YTHDC2: variants seen among roughly 807,000 people sequenced by gnomAD.
The protein encoded by YTHDC2 is 3'-5' RNA helicase YTHDC2.
A neutral mutation model predicts 174.9 loss-of-function variants in YTHDC2; 45 were observed. That is an observed-to-expected ratio of 0.26 (90% CI 0.20 to 0.33). YTHDC2 has a LOEUF of 0.33. Ranked by LOEUF, YTHDC2 falls within the 10% of genes least tolerant of loss-of-function variation. The pLI, the probability that YTHDC2 is intolerant of heterozygous loss-of-function variation, is 1.00. For synonymous variants in YTHDC2, 657 were observed against 574.5 expected (o/e 1.14, Z -2.05); for missense variants, 1,650 against 1,723.7 (o/e 0.96, Z 0.76).
Position 113,567,841 on chromosome 5 carries a change from C to G in YTHDC2, c.3236C>G (p.Ser1079Cys). Reference sequence around the variant, plus strand: ...AGTAATGCTCTTCAGGAACCTTCATCCTTTAGAGGTAAATGTATTAAGGAA... The same window carrying G: ...AGTAATGCTCTTCAGGAACCTTCATGCTTTAGAGGTAAATGTATTAAGGAA... ...LASNALQEPS[S>C]FRVDGIPNDS... The change falls in exon 23 of 30, where the codon TCC becomes TGC. Residue 1079 changes from serine (S) to cysteine (C), a missense_variant. Physicochemically the swap from Ser to Cys is moderately radical, Grantham distance 112. This residue lies in a region of YTHDC2 where 913 missense variants were observed against 940.4 expected (regional missense o/e 0.97). Coordinates refer to ENST00000161863, the MANE Select transcript of YTHDC2 (RefSeq NM_022828.5). The G allele has an allele frequency of 6.6e-7, 1 of 1,526,138 alleles. No individual in the cohort carries two copies. The highest frequency in any genetic ancestry group is 8.8e-7 in the Non-Finnish European group (1 of 1,137,074). 94.5% of individuals were successfully genotyped at this position (1,526,138 alleles called of 1,614,324 possible). A position where few individuals can be genotyped will look rare whatever the true frequency, so the allele number is the denominator to read the frequency against.
rs763334892 is a variant in YTHDC2, at chr5:113,542,510, T to G, written c.1495+7T>G. ...TTAACTGAAAATGTTAGTGGTAAGTTTATTTTAATTTTAAAAAATTACCCT... is the reference window on the plus strand; with the variant it reads ...TTAACTGAAAATGTTAGTGGTAAGTGTATTTTAATTTTAAAAAATTACCCT... On this transcript the variant is annotated splice_region_variant and intron_variant, in intron 10 of 29. Transcript: ENST00000161863. The G allele has an allele frequency of 6.3e-7, 1 of 1,587,938 alleles. No homozygotes were observed. The highest frequency in any genetic ancestry group is 1.2e-5 in the South Asian group (1 of 84,822).
At chr5:113,549,235 G>A (rs1776089642) in intron 12 of YTHDC2, among the ~76,000 whole-genome samples, 1 of 152,062 alleles carries the variant, frequency 6.6e-6, no homozygotes, top group African/African-American at 2.4e-5. Flanking sequence ...AAACATGGTA[G>A]GTACAACATA....
At position 113,563,449 on chromosome 5, in the gene YTHDC2, C is replaced by T; in HGVS notation, c.2399C>T (p.Pro800Leu). The change falls in exon 19 of 30, where the codon CCT becomes CTT. Residue 800 changes from proline (P) to leucine (L), a missense_variant. This residue lies in a region of YTHDC2 where 913 missense variants were observed against 940.4 expected (regional missense o/e 0.97). Coordinates refer to ENST00000161863, the MANE Select transcript of YTHDC2 (RefSeq NM_022828.5). ...IADFLMKAPE[P>L]PPALIVRNAV... ...GATTTTCTTATGAAAGCTCCTGAAC[C>T]TCCACCAGCTTTAATTGTAAGAAAT... 1 of 1,610,738 alleles carries T rather than the reference C, an allele frequency of 6.2e-7. No homozygotes were observed. The highest frequency in any genetic ancestry group is 8.5e-7 in the Non-Finnish European group (1 of 1,178,028).
intron 6 of YTHDC2, among the ~76,000 whole-genome samples, chr5:113,535,262 C>T (rs1039929234): frequency 1.3e-5 from 2 of 152,044 alleles, no homozygotes; most frequent in African/African-American, 4.8e-5. Context: ...ATTTACCTAG[C>T]ATTACACTGT....
intron 2 of YTHDC2, among the ~76,000 whole-genome samples, chr5:113,521,685 C>T (rs1449168253): frequency 6.7e-6 from 1 of 150,010 alleles, no homozygotes; most frequent in African/African-American, 2.5e-5. Flanking sequence ...GAGCCGAGAT[C>T]GTGCCACTGC....
At chr5:113,516,560 C>G (rs1773439766) in intron 2 of YTHDC2, among the ~76,000 whole-genome samples, 1 of 152,150 alleles carries the variant, frequency 6.6e-6, no homozygotes, top group African/African-American at 2.4e-5. Flanking sequence ...GGGTGTTTAA[C>G]AGCATCCATA....
intron 22 of YTHDC2, 130 bp downstream of exon 22, chr5:113,567,427 T>TATGA (rs138503872): frequency 8.0e-6 from 3 of 375,114 alleles, no homozygotes; most frequent in Non-Finnish European, 1.2e-5. Context: ...TATATATATA[T>TATGA]CATTAAATAT....
chr5:113,573,489 G>A (rs561015882), intron 23 of YTHDC2, among the ~76,000 whole-genome samples: 192 of 152,148 alleles, frequency 1.3e-3, no homozygotes, highest in African/African-American at 4.2e-3. Context: ...AGGGTTCTCT[G>A]GATTTCCTGA....
chr5:113,523,773 A>G (rs948063673), intron 2 of YTHDC2, among the ~76,000 whole-genome samples: 11 of 152,106 alleles, frequency 7.2e-5, no homozygotes, highest in Non-Finnish European at 1.5e-4. Context: ...CCAGTTTGAT[A>G]TCACTCTTAT....
intron 6 of YTHDC2, 63 bp downstream of exon 6, chr5:113,534,470 C>A: frequency 2.1e-6 from 3 of 1,429,206 alleles, no homozygotes; most frequent in South Asian, 1.2e-5. Context: ...ATACATATGC[C>A]GTTTCAGGAT....
At chr5:113,515,510 A>T in intron 2 of YTHDC2, 148 bp downstream of exon 2, 5 of 663,778 alleles carry the variant, frequency 7.5e-6, no homozygotes, top group Non-Finnish European at 1.2e-5. Flanking sequence ...TCAGGTCTGT[A>T]CCAAATTCAA....
intron 21 of YTHDC2, among the ~76,000 whole-genome samples, chr5:113,566,558 G>A (rs2112730499): frequency 6.6e-6 from 1 of 150,608 alleles, no homozygotes; most frequent in Admixed American, 6.7e-5. Context: ...TAGTACCAGA[G>A]CCTGGATTCA....
chr5:113,581,962 GTCAAAATA>G (rs1778431058), intron 25 of YTHDC2: 1 of 267,246 alleles, frequency 3.7e-6, no homozygotes, highest in Non-Finnish European at 6.8e-6. Flanking sequence ...TCAGGAAAAG[GTCAAAATA>G]TCTAATTTCT....
At chr5:113,567,010 G>A in intron 21 of YTHDC2, 82 bp from the exon 22 acceptor site, 1 of 1,405,200 alleles carries the variant, frequency 7.1e-7, no homozygotes, top group Non-Finnish European at 9.6e-7. Flanking sequence ...AAATTTACAT[G>A]AGTTGTACAA....
chr5:113,537,593 C>G (rs1190516954), intron 7 of YTHDC2, among the ~76,000 whole-genome samples: 4 of 150,254 alleles, frequency 2.7e-5, no homozygotes, highest in Non-Finnish European at 5.9e-5. Flanking sequence ...TCCCACTATT[C>G]CCATCCTCTT....
chr5:113,549,382 T>C (rs1388903441), intron 12 of YTHDC2, among the ~76,000 whole-genome samples: 1 of 152,110 alleles, frequency 6.6e-6, no homozygotes, highest in Non-Finnish European at 1.5e-5. Flanking sequence ...TGATAGAAGA[T>C]GTTAATTTTG....
chr5:113,544,814 A>G (rs1490024227), intron 10 of YTHDC2, among the ~76,000 whole-genome samples: 2 of 151,798 alleles, frequency 1.3e-5, no homozygotes, highest in African/African-American at 4.8e-5. Flanking sequence ...ATCCCTTTTG[A>G]AAAGCATAGT....
intron 24 of YTHDC2, among the ~76,000 whole-genome samples, chr5:113,581,020 T>C (rs1200181899): frequency 6.6e-6 from 1 of 152,186 alleles, no homozygotes; most frequent in Non-Finnish European, 1.5e-5. Flanking sequence ...CTGGTGACTT[T>C]CAAGTTTAGA....
chr5:113,549,141 G>A (rs1324539736), intron 12 of YTHDC2, 121 bp downstream of exon 12: 7 of 780,364 alleles, frequency 9.0e-6, no homozygotes, highest in Non-Finnish European at 3.9e-6. Flanking sequence ...ATTTTTTTTT[G>A]TGATTCTAAG....
Sources: gnomAD v4.1 joint callset for allele counts (sites outside exome capture counted in the v4.1 genomes callset) on GRCh38, gnomAD v4.1.1 for gene constraint, gnomAD v4.1.1 regional missense constraint, MANE v1.5 for transcripts, NCBI Gene and HGNC (gene_info 2026-07-23, HGNC 2026-07-21) for gene names.